Variants in PPP3R2 observed in about 807,000 individuals in gnomAD.
PPP3R2 encodes protein phosphatase 3 regulatory subunit B, beta, also known as calcineurin subunit B type 2.
For synonymous variants in PPP3R2, 91 were observed against 91.5 expected (o/e 0.99, Z 0.03); for missense variants, 225 against 217.4 (o/e 1.03, Z -0.22).
rs1177240770 is a variant in PPP3R2, at chr9:101,592,692, A to G, written c.*1717T>C. 2 of 152,150 alleles carry G rather than the reference A, an allele frequency of 1.3e-5. No homozygotes were observed. Among genetic ancestry groups the G allele is most frequent in the East Asian group, 1.9e-4 (1 of 5,182 alleles). 9.4% of individuals were successfully genotyped at this position (152,150 alleles called of 1,614,324 possible). A position where few individuals can be genotyped will look rare whatever the true frequency, so the allele number is the denominator to read the frequency against. On this transcript the variant is annotated 3_prime_UTR_variant, in exon 1 of 1. Coordinates refer to ENST00000374806, the MANE Select transcript of PPP3R2 (RefSeq NM_147180.4). ...GTGGTTTCTAAGTAATCTATTAAAT[A>G]CAAAAGTATATGGTAGGGTACCTTG... is the stretch of plus-strand genomic sequence containing the variant.
In PPP3R2 at chr9:101,593,323, A is replaced by G. The variant is rs974121700; in HGVS notation, c.*1086T>C. Reference sequence around the variant, plus strand: ...TTCTGCACTGAATGTTCCACTAGGGAAAAGGCTTCCTGGAATGAGAGAGCT... The same window carrying G: ...TTCTGCACTGAATGTTCCACTAGGGGAAAGGCTTCCTGGAATGAGAGAGCT... On this transcript the variant is annotated 3_prime_UTR_variant, in exon 1 of 1. Transcript: ENST00000374806. The G allele has an allele frequency of 7.9e-5, 12 of 152,208 alleles. No homozygotes were observed. Among genetic ancestry groups the G allele is most frequent in the Admixed American group, 6.5e-4 (10 of 15,278 alleles). The allele number at this position is 152,208 out of a possible 1,614,324, so 9.4% of individuals were successfully genotyped here. A position where few individuals can be genotyped will look rare whatever the true frequency, so the allele number is the denominator to read the frequency against.
In PPP3R2 at chr9:101,594,377, A is replaced by G; in HGVS notation, c.*32T>C. 1 of 1,553,390 alleles carries G rather than the reference A, an allele frequency of 6.4e-7. No homozygotes were observed. The highest frequency in any genetic ancestry group is 1.2e-5 in the South Asian group (1 of 80,314). ...TTGAAAGAGATAGGGAAGAAAGCAG[A>G]AGTTGTTGGGTGGTGCTTGTAAGAA... On this transcript the variant is annotated 3_prime_UTR_variant, in exon 1 of 1. Coordinates refer to ENST00000374806, the MANE Select transcript of PPP3R2 (RefSeq NM_147180.4).
In PPP3R2 at chr9:101,594,217, G is replaced by T; in HGVS notation, c.*192C>A. 1.5e-6 allele frequency: 1 copy of T among 677,286 alleles called. No individual in the cohort carries two copies. Among genetic ancestry groups the T allele is most frequent in the Non-Finnish European group, 2.4e-6 (1 of 421,988 alleles). The allele number at this position is 677,286 out of a possible 1,614,324, so 42.0% of individuals were successfully genotyped here. A position where few individuals can be genotyped will look rare whatever the true frequency, so the allele number is the denominator to read the frequency against. ...ATTTGACTTGCTCTTCCCCCTATAG[G>T]GTACCCTGAGTCATTCAGAGAAGGA... On this transcript the variant is annotated 3_prime_UTR_variant, in exon 1 of 1. Coordinates refer to ENST00000374806, the MANE Select transcript of PPP3R2 (RefSeq NM_147180.4).
In PPP3R2 at chr9:101,594,084, G is replaced by A. The variant is rs557861452; in HGVS notation, c.*325C>T. 1.1e-4 allele frequency: 27 copies of A among 254,518 alleles called. No individual in the cohort carries two copies. The highest frequency in any genetic ancestry group is 4.2e-4 in the African/African-American group (19 of 44,742). 15.8% of individuals were successfully genotyped at this position (254,518 alleles called of 1,614,324 possible). On this transcript the variant is annotated 3_prime_UTR_variant, in exon 1 of 1. Coordinates refer to ENST00000374806, the MANE Select transcript of PPP3R2 (RefSeq NM_147180.4). ...AATGATGAGAAATAACAGCAAAAAT[G>A]TATACTTTCTTATTTTTGAACTTTT... is the stretch of plus-strand genomic sequence containing the variant.
rs891199423 is a variant in PPP3R2, at chr9:101,592,580, C to T, written c.*1829G>A. ...GGTGTGTCTGAATCTTTGAACATTA[C>T]ATAACCCTGATCACCACAGGGTTGG... On this transcript the variant is annotated 3_prime_UTR_variant, in exon 1 of 1. Coordinates refer to ENST00000374806, the MANE Select transcript of PPP3R2 (RefSeq NM_147180.4). The T allele has an allele frequency of 1.3e-5, 2 of 152,206 alleles. No homozygotes were observed. Among genetic ancestry groups the T allele is most frequent in the African/African-American group, 4.8e-5 (2 of 41,452 alleles). The allele number at this position is 152,206 out of a possible 1,614,324, so 9.4% of individuals were successfully genotyped here.
rs267602058 is a variant in PPP3R2 at position 101,594,657 on chromosome 9, C to T, written c.265G>A (p.Glu89Lys). Residue 89 changes from glutamate to lysine, a missense_variant, in exon 1 of 1, where the codon GAG becomes AAG. Coordinates refer to ENST00000374806, the MANE Select transcript of PPP3R2 (RefSeq NM_147180.4). ...CTGAACGCAAACCTCAACTTCTGCT[C>T]CTCGTCGCCCTTGACGCTGAACTGG... ...TSQFSVKGDE[E>K]QKLRFAFSIY... The T allele has an allele frequency of 6.2e-7, 1 of 1,614,230 alleles. No homozygotes were observed. The highest frequency in any genetic ancestry group is 8.5e-7 in the Non-Finnish European group (1 of 1,180,048).
rs1828087320 is a variant in PPP3R2 at position 101,594,615 on chromosome 9, T to C, written c.307A>G (p.Lys103Glu). 3 of 1,614,092 alleles carry C rather than the reference T, an allele frequency of 1.9e-6. No homozygotes were observed. The highest frequency in any genetic ancestry group is 3.3e-5 in the Admixed American group (2 of 60,018). Residue 103 changes from lysine to glutamate, a missense_variant, in exon 1 of 1, where the codon AAA becomes GAA. By Grantham distance (56) the Lys-to-Glu change is moderately conservative (BLOSUM62 1). Transcript: ENST00000374806. ...TCCCCGTTGGAAATGTAGCCATCTTTATCCATGTCGTAAATGCTGAACGCA... is the reference window on the plus strand; with the variant it reads ...TCCCCGTTGGAAATGTAGCCATCTTCATCCATGTCGTAAATGCTGAACGCA... ...RFAFSIYDMDKDGYISNGELF... is the reference protein window; with the variant it reads ...RFAFSIYDMDEDGYISNGELF...
In PPP3R2 at chr9:101,594,001, C is replaced by T. The variant is rs1335769754; in HGVS notation, c.*408G>A. 1 of 162,736 alleles carries T rather than the reference C, an allele frequency of 6.1e-6. No homozygotes were observed. The highest frequency in any genetic ancestry group is 1.3e-5 in the Non-Finnish European group (1 of 75,238). 10.1% of individuals were successfully genotyped at this position (162,736 alleles called of 1,614,324 possible). A position where few individuals can be genotyped will look rare whatever the true frequency, so the allele number is the denominator to read the frequency against. ...ATCTGGCAAGATATCTGAACACAAG[C>T]AAATGAAAACAGTTCACCTAACACC... On this transcript the variant is annotated 3_prime_UTR_variant, in exon 1 of 1. Coordinates refer to ENST00000374806, the MANE Select transcript of PPP3R2 (RefSeq NM_147180.4).
rs1249676750 is a variant in PPP3R2, at chr9:101,594,406, G to A, written c.*3C>T. The stretch of plus-strand genomic sequence containing the variant: ...TGTTGGGTGGTGCTTGTAAGAAAAA[G>A]GCTCATACGATGAGGACCAGCTTCT... On this transcript the variant is annotated 3_prime_UTR_variant, in exon 1 of 1. Transcript: ENST00000374806. 1 of 1,592,932 alleles carries A rather than the reference G, an allele frequency of 6.3e-7. No individual in the cohort carries two copies. The highest frequency in any genetic ancestry group is 1.7e-5 in the Admixed American group (1 of 58,312).
chr9:101,594,427 C>T lies in PPP3R2; in HGVS notation c.495G>A (p.Lys165=), dbSNP rs771115576. ...AVVRDLEIHK[K]LVLIV ...AAAAGGCTCATACGATGAGGACCAG[C>T]TTCTTGTGGATCTCCAGGTCTCTGA... The change falls in exon 1 of 1, where the codon AAG becomes AAA. Residue 165 remains lysine, a synonymous_variant. Transcript: ENST00000374806. 3.7e-6 allele frequency: 6 copies of T among 1,609,472 alleles called. No homozygotes were observed. The highest frequency in any genetic ancestry group is 5.1e-6 in the Non-Finnish European group (6 of 1,176,592).
Position 101,594,741 on chromosome 9 carries a change from C to T in PPP3R2, c.181G>A (p.Val61Ile), listed in dbSNP as rs756326986. The change falls in exon 1 of 1, where the codon GTC becomes ATC. Residue 61 changes from valine (V) to isoleucine (I), a missense_variant. Val to Ile is a conservative substitution (Grantham distance 29). Coordinates refer to ENST00000374806, the MANE Select transcript of PPP3R2 (RefSeq NM_147180.4). ...HNPLVRRVID[V>I]FDTDGDGEVD... ...TCTCCATCACCGTCGGTGTCGAAGA[C>T]GTCGATCACTCGCCGCACCAACGGG... 2 of 1,614,164 alleles carry T rather than the reference C, an allele frequency of 1.2e-6. No homozygotes were observed. The highest frequency in any genetic ancestry group is 1.7e-6 in the Non-Finnish European group (2 of 1,180,046).
In PPP3R2 at chr9:101,592,274, A is replaced by G. The variant is rs1301583568; in HGVS notation, c.*2135T>C. On this transcript the variant is annotated 3_prime_UTR_variant, in exon 1 of 1. Coordinates refer to ENST00000374806, the MANE Select transcript of PPP3R2 (RefSeq NM_147180.4). ...TAATTTTAGAGTGGGTGTAGCTAAGAACTAAGTAAGTGTTCAAAAGCAACC... is the reference window on the plus strand; with the variant it reads ...TAATTTTAGAGTGGGTGTAGCTAAGGACTAAGTAAGTGTTCAAAAGCAACC... 1.3e-5 allele frequency: 2 copies of G among 152,184 alleles called. No individual in the cohort carries two copies. The highest frequency in any genetic ancestry group is 2.4e-5 in the African/African-American group (1 of 41,426). The allele number at this position is 152,184 out of a possible 1,614,324, so 9.4% of individuals were successfully genotyped here.
rs1177405203 is a variant in PPP3R2 at position 101,592,671 on chromosome 9, T to C, written c.*1738A>G. On this transcript the variant is annotated 3_prime_UTR_variant, in exon 1 of 1. Coordinates refer to ENST00000374806, the MANE Select transcript of PPP3R2 (RefSeq NM_147180.4). ...GGGGTAAGGATTCCTATTTTTGTGG[T>C]TTCTAAGTAATCTATTAAATACAAA... is the stretch of plus-strand genomic sequence containing the variant. 1 of 152,158 alleles carries C rather than the reference T, an allele frequency of 6.6e-6. No homozygotes were observed. The highest frequency in any genetic ancestry group is 1.5e-5 in the Non-Finnish European group (1 of 68,026). 9.4% of individuals were successfully genotyped at this position (152,158 alleles called of 1,614,324 possible).
Position 101,594,041 on chromosome 9 carries a change from A to G in PPP3R2, c.*368T>C, listed in dbSNP as rs1290707885. The G allele has an allele frequency of 5.3e-6, 1 of 190,414 alleles. No homozygotes were observed. The highest frequency in any genetic ancestry group is 1.1e-5 in the Non-Finnish European group (1 of 92,894). The allele number at this position is 190,414 out of a possible 1,614,324, so 11.8% of individuals were successfully genotyped here. On this transcript the variant is annotated 3_prime_UTR_variant, in exon 1 of 1. Transcript: ENST00000374806. ...CACCTAACACCCATGCAAATTATAA[A>G]TTTCCTCCCATATACAAAATGATGA...
In PPP3R2 at chr9:101,594,937, A is replaced by G. The variant is rs776804836; in HGVS notation, c.-16T>C. 10 of 1,593,694 alleles carry G rather than the reference A, an allele frequency of 6.3e-6. No individual in the cohort carries two copies. The East Asian group carries it at 2.2e-4, about 36-fold the overall frequency. On this transcript the variant is annotated 5_prime_UTR_variant, in exon 1 of 1. Transcript: ENST00000374806. The stretch of plus-strand genomic sequence containing the variant: ...CGTTTCCCATTGTGGACATCTGGCA[A>G]CGGCCACGGCTCAAAGGGTCGGAGA...
chr9:101,592,323 A>G lies in PPP3R2; in HGVS notation c.*2086T>C, dbSNP rs574886046. Reference sequence around the variant, plus strand: ...CCAGTAAGCCTCATGTCTCCTTTACATATTGATCTTGTAGAAGGGGAAGAA... The same window carrying G: ...CCAGTAAGCCTCATGTCTCCTTTACGTATTGATCTTGTAGAAGGGGAAGAA... On this transcript the variant is annotated 3_prime_UTR_variant, in exon 1 of 1. Transcript: ENST00000374806. 1 of 152,338 alleles carries G rather than the reference A, an allele frequency of 6.6e-6. No individual in the cohort carries two copies. The highest frequency in any genetic ancestry group is 2.1e-4 in the South Asian group (1 of 4,826). The allele number at this position is 152,338 out of a possible 1,614,324, so 9.4% of individuals were successfully genotyped here. A position where few individuals can be genotyped will look rare whatever the true frequency, so the allele number is the denominator to read the frequency against.
In PPP3R2 at chr9:101,594,806, C is replaced by G. The variant is rs760800259; in HGVS notation, c.116G>C (p.Ser39Thr). The stretch of plus-strand genomic sequence containing the variant: ...CGGCAGGGACATGAACTCCTCCACG[C>G]TCAGAGACCCTGATTTGTCCAAGTC... ...KLDLDKSGSL[S>T]VEEFMSLPEL... is the part of the protein sequence containing the mutation. Residue 39 changes from serine (S) to threonine (T), a missense_variant, in exon 1 of 1, where the codon AGC becomes ACC. Physicochemically the swap from Ser to Thr is moderately conservative, Grantham distance 58 (BLOSUM62 1). Coordinates refer to ENST00000374806, the MANE Select transcript of PPP3R2 (RefSeq NM_147180.4). 3.1e-6 allele frequency: 5 copies of G among 1,612,544 alleles called. No homozygotes were observed. In the African/African-American group the frequency reaches 6.7e-5, roughly 22 times the overall value.
chr9:101,594,790 C>A lies in PPP3R2; in HGVS notation c.132G>T (p.Met44Ile). ...KSGSLSVEEF[M>I]SLPELRHNPL... ...GGTTGTGGCGCAGCTCCGGCAGGGA[C>A]ATGAACTCCTCCACGCTCAGAGACC... The change falls in exon 1 of 1, where the codon ATG becomes ATT. Residue 44 changes from methionine (M) to isoleucine (I), a missense_variant. Transcript: ENST00000374806. 2 of 1,613,636 alleles carry A rather than the reference C, an allele frequency of 1.2e-6. No individual in the cohort carries two copies. Among genetic ancestry groups the A allele is most frequent in the East Asian group, 4.5e-5 (2 of 44,876 alleles).
At position 101,594,726 on chromosome 9, in the gene PPP3R2, C is replaced by T. The variant is rs202237297; in HGVS notation, c.196G>A (p.Gly66Ser). 4.0e-4 allele frequency: 642 copies of T among 1,614,094 alleles called. No individual in the cohort carries two copies. Among genetic ancestry groups the T allele is most frequent in the Non-Finnish European group, 5.2e-4 (613 of 1,180,064 alleles). The change falls in exon 1 of 1, where the codon GGT (glycine) becomes AGT (serine). Residue 66 changes from glycine to serine, a missense_variant. By Grantham distance (56) the Gly-to-Ser change is moderately conservative. Coordinates refer to ENST00000374806, the MANE Select transcript of PPP3R2 (RefSeq NM_147180.4). The stretch of plus-strand genomic sequence containing the variant: ...TCCTTGAAGTCCACTTCTCCATCAC[C>T]GTCGGTGTCGAAGACGTCGATCACT... ...RRVIDVFDTD[G>S]DGEVDFKEFI...
Sources: gnomAD v4.1 joint callset for allele counts on GRCh38, gnomAD v4.1.1 for gene constraint, MANE v1.5 for transcripts, NCBI Gene and HGNC (gene_info 2026-07-23, HGNC 2026-07-21) for gene names.